The following CDH18 variants were observed in gnomAD, a reference collection of about 807,000 sequenced individuals.
CDH18 encodes the protein cadherin-18.
CDH18 carries 31 observed loss-of-function variants against 67.9 expected under a neutral mutation model. The observed-to-expected ratio is 0.46, with a 90% CI of 0.34 to 0.62. The LOEUF (loss-of-function observed/expected upper bound fraction) is 0.62, where lower values mean the gene tolerates loss of function less well. Ranked by LOEUF, CDH18 falls within the 20% of genes least tolerant of loss-of-function variation. The pLI is 0.01. For synonymous variants in CDH18, 362 were observed against 347.2 expected, an observed-to-expected ratio of 1.04 and a Z score of -0.48; for missense variants, 890 against 975.5, an observed-to-expected ratio of 0.91 and a Z score of 1.17.
rs191190092 is a variant in CDH18 at position 19,539,472 on chromosome 5, T to A, written c.1390+4397A>T. Among the ~76,000 whole-genome samples, 19 of 152,326 alleles carry A rather than the reference T, an allele frequency of 1.2e-4. 1 individual carries two copies. The highest frequency in any genetic ancestry group is 4.3e-4 in the African/African-American group (18 of 41,572). On this transcript the variant is annotated intron_variant, in intron 9 of 12. Coordinates refer to ENST00000382275, the MANE Select transcript of CDH18 (RefSeq NM_004934.5). ...TATTCATAAACTACATTCTACTTAA[T>A]TCAAATATTATTTGGAGTGAGGTAG...
intron 2 of CDH18, among the ~76,000 whole-genome samples, chr5:20,195,851 C>G: frequency 6.6e-6 from 1 of 152,054 alleles, no homozygotes; most frequent in East Asian, 1.9e-4. Flanking sequence ...TATTGAGACA[C>G]TTTTACTTAA....
intron 1 of CDH18, among the ~76,000 whole-genome samples, chr5:20,474,336 AT>A (rs1351297759): frequency 1.3e-5 from 2 of 152,090 alleles, no homozygotes; most frequent in Non-Finnish European, 2.9e-5. Flanking sequence ...ATTGTTATTC[AT>A]TTTTGGAGAC....
At chr5:19,559,427 A>G (rs919092243) in intron 8 of CDH18, among the ~76,000 whole-genome samples, 3 of 151,448 alleles carry the variant, frequency 2.0e-5, no homozygotes, top group African/African-American at 7.3e-5. Flanking sequence ...TAAAAATCAC[A>G]TGATTATCTC....
At chr5:20,152,156 A>G (rs1418414595) in intron 2 of CDH18, among the ~76,000 whole-genome samples, 5 of 143,510 alleles carry the variant, frequency 3.5e-5, no homozygotes, top group Non-Finnish European at 7.6e-5. Context: ...ATATAATTTT[A>G]TAATTATATA....
intron 1 of CDH18, among the ~76,000 whole-genome samples, chr5:20,562,446 C>T (rs7722321): frequency 0.25 from 37,732 of 151,374 alleles, 5,531 homozygotes; most frequent in African/African-American, 0.4. Context: ...GGTTAGTAAA[C>T]ATTTTAATAA....
At chr5:19,789,292 T>G (rs1776127711) in intron 3 of CDH18, among the ~76,000 whole-genome samples, 1 of 152,180 alleles carries the variant, frequency 6.6e-6, no homozygotes, top group Non-Finnish European at 1.5e-5. Context: ...GTAAAAATAA[T>G]AGTACTACAT....
At chr5:19,890,170 T>C (rs758905447) in intron 2 of CDH18, among the ~76,000 whole-genome samples, 3 of 152,138 alleles carry the variant, frequency 2.0e-5, no homozygotes, top group African/African-American at 4.8e-5. Flanking sequence ...CTGTTTTCTG[T>C]GCTGTTACAA....
At chr5:20,361,477 A>T (rs1341293833) in intron 1 of CDH18, among the ~76,000 whole-genome samples, 1 of 152,126 alleles carries the variant, frequency 6.6e-6, no homozygotes, top group Non-Finnish European at 1.5e-5. Context: ...AATTATTCAC[A>T]GGTTTTCTTT....
chr5:20,219,429 A>C lies in CDH18; in HGVS notation c.-518+36015T>G, dbSNP rs748663694. ...AGAACTAATATCAATCTTACTCAAA[A>C]CTATTCAGAAAAATAGCAGAGGAAG... is the stretch of plus-strand genomic sequence containing the variant. On this transcript the variant is annotated intron_variant, in intron 2 of 14. Transcript: ENST00000507958. 6.3e-4 allele frequency among the ~76,000 whole-genome samples: 95 copies of C among 151,800 alleles called. 1 individual carries two copies. Among genetic ancestry groups the C allele is most frequent in the Non-Finnish European group, 8.3e-4 (56 of 67,878 alleles).
chr5:19,940,692 G>A (rs1794726172), intron 2 of CDH18, among the ~76,000 whole-genome samples: 1 of 151,816 alleles, frequency 6.6e-6, no homozygotes, highest in Admixed American at 6.6e-5. Flanking sequence ...CATGGTTCCT[G>A]TCAATGTCAT....
chr5:19,629,108 G>C (rs1239326939), intron 5 of CDH18, among the ~76,000 whole-genome samples: 1 of 152,124 alleles, frequency 6.6e-6, no homozygotes, highest in African/African-American at 2.4e-5. Context: ...TTTAATAGTG[G>C]ATATGAAATG....
rs139988311 is a variant in CDH18, at chr5:19,955,234, C to T, written c.-257+25826G>A. 2.6e-3 allele frequency among the ~76,000 whole-genome samples: 396 copies of T among 152,160 alleles called. 2 individuals are homozygous for T. The highest frequency in any genetic ancestry group is 3.8e-3 in the Non-Finnish European group (255 of 67,992). On this transcript the variant is annotated intron_variant, in intron 2 of 12. Coordinates refer to ENST00000382275, the MANE Select transcript of CDH18 (RefSeq NM_004934.5). ...GTGAGTTAATTAAATCTCTTTCCTT[C>T]ATAAATTACCCAGTCTCGTGCACAT...
At chr5:19,977,731 T>A (rs1428752327) in intron 2 of CDH18, among the ~76,000 whole-genome samples, 1 of 152,174 alleles carries the variant, frequency 6.6e-6, no homozygotes, top group African/African-American at 2.4e-5. Flanking sequence ...CATTTTTCTA[T>A]GAACATTTTC....
rs557352891 is a variant in CDH18, at chr5:20,444,534, C to T, written c.-580+130928G>A. On this transcript the variant is annotated intron_variant, in intron 1 of 14. Coordinates refer to the CDH18 transcript ENST00000507958. Reference sequence around the variant, plus strand: ...CCTGGGCAACAGAGCAAGCCTCTGTCTCAAAACAAACAAAACAAAACAAAC... The same window carrying T: ...CCTGGGCAACAGAGCAAGCCTCTGTTTCAAAACAAACAAAACAAAACAAAC... 5.3e-5 allele frequency among the ~76,000 whole-genome samples: 8 copies of T among 152,232 alleles called. No individual in the cohort carries two copies. In the South Asian group the frequency reaches 1.5e-3, roughly 28 times the overall value.
chr5:20,222,272 C>T (rs918697535), intron 2 of CDH18, among the ~76,000 whole-genome samples: 6 of 152,246 alleles, frequency 3.9e-5, no homozygotes, highest in Admixed American at 3.3e-4. Flanking sequence ...ATTTTATTTA[C>T]GCTCCACAAA....
chr5:19,641,668 G>C (rs1291795475), intron 5 of CDH18, among the ~76,000 whole-genome samples: 1 of 151,980 alleles, frequency 6.6e-6, no homozygotes, highest in East Asian at 1.9e-4. Context: ...GGTATAGAAA[G>C]AAGCTTTCTC....
intron 5 of CDH18, among the ~76,000 whole-genome samples, chr5:19,639,544 G>A (rs911183201): frequency 9.9e-5 from 15 of 152,102 alleles, no homozygotes; most frequent in African/African-American, 3.1e-4. Flanking sequence ...GGGACAAAGC[G>A]ACTACACCCT....
At chr5:20,369,058 T>C (rs1742756777) in intron 1 of CDH18, among the ~76,000 whole-genome samples, 1 of 152,194 alleles carries the variant, frequency 6.6e-6, no homozygotes, top group African/African-American at 2.4e-5. Context: ...CTTTTTCTTC[T>C]TCTTCTTCTC....
chr5:19,526,086 G>A (rs1747711051), intron 9 of CDH18, among the ~76,000 whole-genome samples: 1 of 151,972 alleles, frequency 6.6e-6, no homozygotes, highest in Non-Finnish European at 1.5e-5. Context: ...TTATTGATGT[G>A]CATTAATTAT....
Sources: gnomAD v4.1 joint callset for allele counts (sites outside exome capture counted in the v4.1 genomes callset) on GRCh38, gnomAD v4.1.1 for gene constraint, MANE v1.5 for transcripts, NCBI Gene and HGNC (gene_info 2026-07-23, HGNC 2026-07-21) for gene names.